Variants in NOP58 observed in about 807,000 individuals in gnomAD.
NOP58 encodes the protein nucleolar protein 58.
Under a neutral mutation model 71.2 loss-of-function variants are expected in NOP58, and 44 were observed. The ratio of observed to expected loss-of-function variants is 0.62; its 90% CI spans 0.49 to 0.79. The LOEUF (loss-of-function observed/expected upper bound fraction) is 0.79. Ranked by LOEUF, NOP58 falls within the 30% of genes least tolerant of loss-of-function variation. The pLI is 0.00. For missense variants in NOP58, 538 were observed against 620.2 expected (o/e 0.87, Z 1.41); for synonymous variants, 228 against 200.3 (o/e 1.14, Z -1.17).
intron 8 of NOP58, among the ~76,000 whole-genome samples, chr2:202,292,566 A>T (rs1454290184): frequency 6.6e-6 from 1 of 151,784 alleles, no homozygotes; most frequent in Admixed American, 6.6e-5. Flanking sequence ...TGAGCCCGGG[A>T]GGCGGAGATT....
chr2:202,276,636 T>TC (rs1228216808), intron 2 of NOP58: 1 of 324,996 alleles, frequency 3.1e-6, no homozygotes, highest in African/African-American at 2.2e-5. Context: ...GCCCAGGAGT[T>TC]CAAGACCAGC....
intron 1 of NOP58, among the ~76,000 whole-genome samples, chr2:202,271,444 G>A (rs529448755): frequency 1.3e-3 from 199 of 151,754 alleles, no homozygotes; most frequent in African/African-American, 4.5e-3. Context: ...GCATGTGCCT[G>A]TAATCCCAGC....
At chr2:202,297,330 G>A in intron 10 of NOP58, 49 bp from the exon 11 acceptor site, 1 of 1,537,450 alleles carries the variant, frequency 6.5e-7, no homozygotes, top group Non-Finnish European at 8.9e-7. Context: ...AAGTTATTGA[G>A]GATTTTACAT....
chr2:202,271,267 T>A (rs1487951168), intron 1 of NOP58, among the ~76,000 whole-genome samples: 3 of 151,770 alleles, frequency 2.0e-5, no homozygotes, highest in Admixed American at 1.3e-4. Flanking sequence ...TGTAAAAGAA[T>A]AACATAAGCT....
chr2:202,281,820 T>C (rs554578290), intron 3 of NOP58, among the ~76,000 whole-genome samples: 5 of 152,176 alleles, frequency 3.3e-5, no homozygotes, highest in Non-Finnish European at 7.3e-5. Context: ...TTGCCAGAAA[T>C]ACCAGCGGTC....
chr2:202,275,831 G>A (rs1291121265), intron 2 of NOP58: 1 of 152,190 alleles, frequency 6.6e-6, no homozygotes. Context: ...ACCATGCCCA[G>A]CTAATTTTTG....
intron 1 of NOP58, among the ~76,000 whole-genome samples, chr2:202,268,577 A>G (rs1688458222): frequency 6.6e-6 from 1 of 151,392 alleles, no homozygotes; most frequent in Non-Finnish European, 1.5e-5. Context: ...TCATGCTTTG[A>G]TGAGAATGCT....
chr2:202,297,177 A>G (rs1159956344), intron 10 of NOP58, among the ~76,000 whole-genome samples: 2 of 152,220 alleles, frequency 1.3e-5, no homozygotes, highest in Non-Finnish European at 2.9e-5. Context: ...AATATTTGAC[A>G]TGAATTGCTG....
intron 8 of NOP58, among the ~76,000 whole-genome samples, chr2:202,292,374 G>A (rs1461525220): frequency 4.0e-5 from 6 of 151,764 alleles, no homozygotes; most frequent in Non-Finnish European, 5.9e-5. Context: ...ATTATATAAC[G>A]AAGTCCTCAT....
chr2:202,292,182 C>T (rs1688914285), intron 8 of NOP58, among the ~76,000 whole-genome samples: 2 of 150,218 alleles, frequency 1.3e-5, no homozygotes, highest in South Asian at 2.1e-4. Context: ...TTCATAGAGA[C>T]GGGGTTTCAC....
intron 9 of NOP58, among the ~76,000 whole-genome samples, chr2:202,294,521 C>G (rs1013558637): frequency 6.6e-6 from 1 of 152,044 alleles, no homozygotes; most frequent in Non-Finnish European, 1.5e-5. Context: ...CTAAGCTCCC[C>G]CCTCCAAGAA....
chr2:202,290,275 A>G (rs1688863149), intron 6 of NOP58, 48 bp from the exon 7 acceptor site: 1 of 1,488,116 alleles, frequency 6.7e-7, no homozygotes, highest in Non-Finnish European at 9.1e-7. Context: ...ATGTTTTACC[A>G]CAATAAATCC....
At chr2:202,295,350 G>A (rs952619346) in intron 9 of NOP58, among the ~76,000 whole-genome samples, 2 of 152,088 alleles carry the variant, frequency 1.3e-5, no homozygotes, top group African/African-American at 2.4e-5. Context: ...ATTAGTGTTC[G>A]TGTGTGTGAC....
At chr2:202,268,141 T>G (rs1688447945) in intron 1 of NOP58, among the ~76,000 whole-genome samples, 1 of 152,168 alleles carries the variant, frequency 6.6e-6, no homozygotes, top group Non-Finnish European at 1.5e-5. Flanking sequence ...CATGTAAAAT[T>G]AATATGATAT....
At chr2:202,272,344 C>T (rs994795408) in intron 1 of NOP58, among the ~76,000 whole-genome samples, 2 of 151,672 alleles carry the variant, frequency 1.3e-5, no homozygotes, top group Admixed American at 6.6e-5. Context: ...TAGTTAGAGG[C>T]GGGGTTTCAC....
chr2:202,272,057 A>G (rs548568358), intron 1 of NOP58, among the ~76,000 whole-genome samples: 2 of 152,206 alleles, frequency 1.3e-5, no homozygotes, highest in South Asian at 2.1e-4. Flanking sequence ...GTCTGGTTAT[A>G]TATTATTTTC....
At chr2:202,288,764 G>T (rs1179866003) in intron 6 of NOP58, among the ~76,000 whole-genome samples, 2 of 151,704 alleles carry the variant, frequency 1.3e-5, no homozygotes, top group Non-Finnish European at 2.9e-5. Context: ...GCAGTGGGCC[G>T]AGATCGCACC....
intron 10 of NOP58, among the ~76,000 whole-genome samples, chr2:202,296,474 T>A (rs1688994854): frequency 6.6e-6 from 1 of 152,224 alleles, no homozygotes; most frequent in Non-Finnish European, 1.5e-5. Context: ...GTGCTGGGAT[T>A]ACAGGTGTGA....
At chr2:202,286,181 CAAA>C (rs1008544993) in intron 5 of NOP58, among the ~76,000 whole-genome samples, 6 of 45,610 alleles carry the variant, frequency 1.3e-4, no homozygotes, top group Admixed American at 1.1e-3. Context: ...GACTCCATCT[CAAA>C]AAAAAAAAAA....
Sources: gnomAD v4.1 joint callset for allele counts (sites outside exome capture counted in the v4.1 genomes callset) on GRCh38, gnomAD v4.1.1 for gene constraint, MANE v1.5 for transcripts, NCBI Gene and HGNC (gene_info 2026-07-23, HGNC 2026-07-21) for gene names.